Variants in PPAN observed in about 807,000 individuals in gnomAD.
PPAN encodes the protein peter pan homolog, also known as suppressor of SWI4 1 homolog.
Under a neutral mutation model 48.5 loss-of-function variants are expected in PPAN, and 39 were observed. That is an observed-to-expected ratio of 0.80 (90% CI 0.62 to 1.05). The LOEUF (loss-of-function observed/expected upper bound fraction) is 1.05, where lower values mean the gene tolerates loss of function less well. Ranked by LOEUF, PPAN falls within the 50% of genes least tolerant of loss-of-function variation. The pLI, the probability that PPAN is intolerant of heterozygous loss-of-function variation, is 0.00. For missense variants in PPAN, 736 were observed against 661.7 expected (o/e 1.11, Z -1.23); for synonymous variants, 315 against 268.6 (o/e 1.17, Z -1.69).
rs928201846 is a variant in PPAN, at chr19:10,111,343, A to G, written c.*178A>G. The G allele has an allele frequency of 7.3e-6, 6 of 823,964 alleles. No individual in the cohort carries two copies. The highest frequency in any genetic ancestry group is 1.1e-5 in the Non-Finnish European group (6 of 542,636). 51.0% of individuals were successfully genotyped at this position (823,964 alleles called of 1,614,324 possible). A position where few individuals can be genotyped will look rare whatever the true frequency, so the allele number is the denominator to read the frequency against. ...GATGGGGGATTCTGGAGCCATACAAAGCAACCCAGAGAGTCCTGGGCCGGC... is the reference window on the plus strand; with the variant it reads ...GATGGGGGATTCTGGAGCCATACAAGGCAACCCAGAGAGTCCTGGGCCGGC... On this transcript the variant is annotated 3_prime_UTR_variant, in exon 12 of 12. Coordinates refer to ENST00000253107, the MANE Select transcript of PPAN (RefSeq NM_020230.7).
Position 10,107,597 on chromosome 19 carries a change from T to G in PPAN, c.282T>G (p.Asn94Lys). 6.2e-7 allele frequency: 1 copy of G among 1,614,156 alleles called. No homozygotes were observed. The highest frequency in any genetic ancestry group is 8.5e-7 in the Non-Finnish European group (1 of 1,180,032). Residue 94 changes from asparagine to lysine, a missense_variant, in exon 3 of 12, where the codon AAT becomes AAG. Asn to Lys is a moderately conservative substitution (Grantham distance 94). Coordinates refer to ENST00000253107, the MANE Select transcript of PPAN (RefSeq NM_020230.7). ...TGATCCTGAGCAAAACAGAGACCAA[T>G]GTCTACTTTGTGAGTAGACGCCCTC... Reference protein sequence around the residue: ...HFLILSKTETNVYFKLMRLPG... With the variant: ...HFLILSKTETKVYFKLMRLPG...
In PPAN at chr19:10,110,168, C is replaced by A; in HGVS notation, c.744C>A (p.His248Gln). The change falls in exon 8 of 12, where the codon CAC becomes CAA. Residue 248 changes from histidine to glutamine, a missense_variant. His to Gln is a conservative substitution (Grantham distance 24, BLOSUM62 0). Coordinates refer to ENST00000253107, the MANE Select transcript of PPAN (RefSeq NM_020230.7). The surrounding 1 kb of genome is among the most constrained non-coding windows in gnomAD (Gnocchi z 5.9). The part of the protein sequence containing the change: ...SESEAEPDGD[H>Q]NITELPQAVA... Reference sequence around the variant, plus strand: ...GCGAGGCAGAGCCTGACGGCGACCACAACATCACAGAGCTGCCTCAGGCTG... The same window carrying A: ...GCGAGGCAGAGCCTGACGGCGACCAAAACATCACAGAGCTGCCTCAGGCTG... The A allele has an allele frequency of 6.2e-7, 1 of 1,610,502 alleles. No homozygotes were observed. Among genetic ancestry groups the A allele is most frequent in the Non-Finnish European group, 8.5e-7 (1 of 1,179,928 alleles).
In PPAN at chr19:10,111,427, C is replaced by G. The variant is rs985966813; in HGVS notation, c.*262C>G. 4 of 631,536 alleles carry G rather than the reference C, an allele frequency of 6.3e-6. No individual in the cohort carries two copies. Among genetic ancestry groups the G allele is most frequent in the Admixed American group, 2.9e-5 (1 of 33,918 alleles). 39.1% of individuals were successfully genotyped at this position (631,536 alleles called of 1,614,324 possible). On this transcript the variant is annotated 3_prime_UTR_variant, in exon 12 of 12. Transcript: ENST00000253107. ...CTGGAAGCTGGGTCTCTCCCCTACCCTGCACGGGGTTGGTTTCATTGGTGG... is the reference window on the plus strand; with the variant it reads ...CTGGAAGCTGGGTCTCTCCCCTACCGTGCACGGGGTTGGTTTCATTGGTGG...
intron 5 of PPAN, among the ~76,000 whole-genome samples, chr19:10,108,538 C>T (rs1039218292): frequency 6.6e-6 from 1 of 152,068 alleles, no homozygotes; most frequent in Non-Finnish European, 1.5e-5. Flanking sequence ...CGCTTGAAGC[C>T]AAGACTTTGA....
Position 10,111,280 on chromosome 19 carries a change from A to G in PPAN, c.*115A>G. The G allele has an allele frequency of 8.1e-7, 1 of 1,236,362 alleles. No homozygotes were observed. The highest frequency in any genetic ancestry group is 1.1e-6 in the Non-Finnish European group (1 of 917,622). 76.6% of individuals were successfully genotyped at this position (1,236,362 alleles called of 1,614,324 possible). The stretch of plus-strand genomic sequence containing the variant: ...TGTCCCCAGCCCTTCCACTCCAGTA[A>G]AGAACTGAATTGGCCAGGGGTCCAC... On this transcript the variant is annotated 3_prime_UTR_variant, in exon 12 of 12. Transcript: ENST00000253107.
chr19:10,107,314 G>A (rs980541350), intron 2 of PPAN, among the ~76,000 whole-genome samples, 191 bp from the exon 3 acceptor site: 3 of 152,226 alleles, frequency 2.0e-5, no homozygotes, highest in African/African-American at 7.2e-5. Context: ...AAGATGCGCT[G>A]TGAGCAAGAG....
At chr19:10,109,838 A>AG in intron 6 of PPAN, 75 bp from the exon 7 acceptor site, 1 of 1,598,916 alleles carries the variant, frequency 6.3e-7, no homozygotes, top group African/African-American at 1.3e-5. Flanking sequence ...CACTGTGGGA[A>AG]GGGTGAGATG....
chr19:10,110,323 G>C lies in PPAN; in HGVS notation c.823-1G>C, dbSNP rs1317138942. 1.2e-6 allele frequency: 2 copies of C among 1,613,820 alleles called. No individual in the cohort carries two copies. The highest frequency in any genetic ancestry group is 2.2e-5 in the East Asian group (1 of 44,864). Reference sequence around the variant, plus strand: ...CTGACGCTTCTTCCTCGTCCCCTCAGATCGGCCCGCGGATGACACTGCAGC... The same window carrying C: ...CTGACGCTTCTTCCTCGTCCCCTCACATCGGCCCGCGGATGACACTGCAGC... On this transcript the variant is annotated splice_acceptor_variant, in intron 8 of 11. Transcript: ENST00000253107. LOFTEE classifies it high-confidence loss of function. The surrounding 1 kb of genome is among the most constrained non-coding windows in gnomAD (Gnocchi z 5.9).
Position 10,110,935 on chromosome 19 carries a change from C to CT in PPAN, c.1202-9dup. 1 of 1,613,422 alleles carries CT rather than the reference C, an allele frequency of 6.2e-7. No individual in the cohort carries two copies. The highest frequency in any genetic ancestry group is 8.5e-7 in the Non-Finnish European group (1 of 1,179,924). On this transcript the variant is annotated splice_polypyrimidine_tract_variant and intron_variant, in intron 11 of 11. Coordinates refer to ENST00000253107, the MANE Select transcript of PPAN (RefSeq NM_020230.7). This position sits in a 1 kb window ranked among gnomAD's most constrained non-coding sequence, Gnocchi z 5.9. The stretch of plus-strand genomic sequence containing the variant: ...GTCTCTGGGGGCCCTGACACTGTCT[C>CT]TCCCCACAGACCTGTTCCCCGAGGC...
chr19:10,108,269 A>G lies in PPAN; in HGVS notation c.513+135A>G, dbSNP rs1316515257. ...TGGGTCTGCTGAGTCCTGAGGTCAAATCCCACTCCTGTGTCTGATGATGCT... is the reference window on the plus strand; with the variant it reads ...TGGGTCTGCTGAGTCCTGAGGTCAAGTCCCACTCCTGTGTCTGATGATGCT... On this transcript the variant is annotated intron_variant, in intron 5 of 11. Transcript: ENST00000253107. 17 of 1,318,214 alleles carry G rather than the reference A, an allele frequency of 1.3e-5. No individual in the cohort carries two copies. The South Asian group carries it at 1.7e-4, about 13-fold the overall frequency. The allele number at this position is 1,318,214 out of a possible 1,614,324, so 81.7% of individuals were successfully genotyped here.
chr19:10,107,885 G>A, intron 4 of PPAN, 31 bp downstream of exon 4: 1 of 1,609,058 alleles, frequency 6.2e-7, no homozygotes, highest in Non-Finnish European at 8.5e-7. Flanking sequence ...ACAAAGCCAT[G>A]TGGGGTGGGA....
At chr19:10,107,065 T>C in intron 2 of PPAN, 1 of 475,918 alleles carries the variant, frequency 2.1e-6, no homozygotes, top group Non-Finnish European at 4.1e-6. Context: ...TGCGTGCCTG[T>C]AGTCCCGGCT....
At position 10,111,493 on chromosome 19, in the gene PPAN, A is replaced by C. The variant is rs982282550; in HGVS notation, c.*328A>C. 4.7e-6 allele frequency: 3 copies of C among 632,814 alleles called. No individual in the cohort carries two copies. The Admixed American group carries it at 8.3e-5, about 17-fold the overall frequency. 39.2% of individuals were successfully genotyped at this position (632,814 alleles called of 1,614,324 possible). A position where few individuals can be genotyped will look rare whatever the true frequency, so the allele number is the denominator to read the frequency against. On this transcript the variant is annotated 3_prime_UTR_variant, in exon 12 of 12. Coordinates refer to ENST00000253107, the MANE Select transcript of PPAN (RefSeq NM_020230.7). Reference sequence around the variant, plus strand: ...GTGGCCCCTCCCCCCAGTCCCACCAAAGAGCCGTGCAAGCAGACAGGTCAC... The same window carrying C: ...GTGGCCCCTCCCCCCAGTCCCACCACAGAGCCGTGCAAGCAGACAGGTCAC...
chr19:10,110,949 G>A lies in PPAN; in HGVS notation c.1206G>A (p.Leu402=). ...QAVGEAPSED[L]FPEAKQKRLA... ...TGACACTGTCTCTCCCCACAGACCTGTTCCCCGAGGCCAAGCAGAAACGGC... is the reference window on the plus strand; with the variant it reads ...TGACACTGTCTCTCCCCACAGACCTATTCCCCGAGGCCAAGCAGAAACGGC... Residue 402 remains leucine, a synonymous_variant, in exon 12 of 12, where the codon CTG becomes CTA. Coordinates refer to ENST00000253107, the MANE Select transcript of PPAN (RefSeq NM_020230.7). The surrounding 1 kb of genome is among the most constrained non-coding windows in gnomAD (Gnocchi z 5.9). 6.2e-7 allele frequency: 1 copy of A among 1,613,440 alleles called. No homozygotes were observed. The highest frequency in any genetic ancestry group is 1.1e-5 in the South Asian group (1 of 91,056).
At chr19:10,108,278 C>T (rs1312872250) in intron 5 of PPAN, 144 bp downstream of exon 5, 13 of 1,284,710 alleles carry the variant, frequency 1.0e-5, no homozygotes, top group East Asian at 2.6e-5. Flanking sequence ...AATCCCACTC[C>T]TGTGTCTGAT....
intron 5 of PPAN, 42 bp from the exon 6 acceptor site, chr19:10,109,588 TG>T (rs1458100404): frequency 1.3e-6 from 2 of 1,572,164 alleles, no homozygotes; most frequent in Non-Finnish European, 1.7e-6. Context: ...CCCCAAACTT[TG>T]CCATGAGTCT....
rs375688951 is a variant in PPAN, at chr19:10,110,195, C to G, written c.771C>G (p.Val257=). The G allele has an allele frequency of 1.2e-6, 2 of 1,610,776 alleles. No individual in the cohort carries two copies. The highest frequency in any genetic ancestry group is 3.3e-5 in the Admixed American group (2 of 59,974). ...ACATCACAGAGCTGCCTCAGGCTGT[C>G]GCTGGCCGTGGCAACATGCGGGCCC... ...DHNITELPQA[V]AGRGNMRAQQ... is the part of the protein sequence containing the mutation. The change falls in exon 8 of 12, where the codon GTC becomes GTG. Residue 257 remains valine (V), a synonymous_variant. Coordinates refer to ENST00000253107, the MANE Select transcript of PPAN (RefSeq NM_020230.7). This position sits in a 1 kb window ranked among gnomAD's most constrained non-coding sequence, Gnocchi z 5.9.
rs1389690023 is a variant in PPAN at position 10,111,673 on chromosome 19, G to T, written c.*508G>T. The T allele has an allele frequency of 6.2e-7, 1 of 1,612,958 alleles. No homozygotes were observed. Among genetic ancestry groups the T allele is most frequent in the Non-Finnish European group, 8.5e-7 (1 of 1,179,468 alleles). On this transcript the variant is annotated 3_prime_UTR_variant, in exon 12 of 12. Transcript: ENST00000253107. ...ACTAAGCCACTGGTGACTGGGGGAGGGGCTGGGGAACTGGGTAGCAGACAC... is the reference window on the plus strand; with the variant it reads ...ACTAAGCCACTGGTGACTGGGGGAGTGGCTGGGGAACTGGGTAGCAGACAC...
Position 10,111,577 on chromosome 19 carries a change from T to G in PPAN, c.*412T>G. On this transcript the variant is annotated 3_prime_UTR_variant, in exon 12 of 12. Coordinates refer to ENST00000253107, the MANE Select transcript of PPAN (RefSeq NM_020230.7). ...TTGTGGCACAATGAGGAAGGAAACG[T>G]GGGTGGAAAGGCACGCTGGCCTGCT... The G allele has an allele frequency of 1.1e-6, 1 of 949,838 alleles. No homozygotes were observed. The highest frequency in any genetic ancestry group is 1.4e-5 in the South Asian group (1 of 71,586). The allele number at this position is 949,838 out of a possible 1,614,324, so 58.8% of individuals were successfully genotyped here.
Sources: gnomAD v4.1 joint callset for allele counts (sites outside exome capture counted in the v4.1 genomes callset) on GRCh38, gnomAD v4.1.1 for gene constraint, Gnocchi (gnomAD v3.1) non-coding constraint, MANE v1.5 for transcripts, NCBI Gene and HGNC (gene_info 2026-07-23, HGNC 2026-07-21) for gene names.